ZFPM1: variants seen among roughly 807,000 people sequenced by gnomAD.
ZFPM1 encodes zinc finger protein ZFPM1.
A neutral mutation model predicts 46.3 loss-of-function variants in ZFPM1; 28 were observed. The ratio of observed to expected loss-of-function variants is 0.60; its 90% CI spans 0.45 to 0.83. ZFPM1 has a LOEUF of 0.83. Among genes scored for constraint, ZFPM1 ranks in the 40% least tolerant of loss-of-function variants. The pLI is 0.00. For missense variants in ZFPM1, 1,878 were observed against 1,432.4 expected, an observed-to-expected ratio of 1.31 and a Z score of -5.02; for synonymous variants, 957 against 675.9, an observed-to-expected ratio of 1.42 and a Z score of -6.45.
intron 2 of ZFPM1, among the ~76,000 whole-genome samples, chr16:88,488,105 T>A (rs1909337836): frequency 6.6e-6 from 1 of 152,166 alleles, no homozygotes; most frequent in African/African-American, 2.4e-5. Context: ...GTGTAGCACA[T>A]GTGGACTCCG....
chr16:88,453,662 C>A lies in ZFPM1; in HGVS notation c.24C>A (p.Asn8Lys). 3.3e-6 allele frequency: 4 copies of A among 1,198,042 alleles called. No individual in the cohort carries two copies. The highest frequency in any genetic ancestry group is 3.2e-6 in the Non-Finnish European group (3 of 946,844). The allele number at this position is 1,198,042 out of a possible 1,614,324, so 74.2% of individuals were successfully genotyped here. A position where few individuals can be genotyped will look rare whatever the true frequency, so the allele number is the denominator to read the frequency against. The change falls in exon 1 of 10, where the codon AAC (asparagine) becomes AAA (lysine). Residue 8 changes from asparagine to lysine, a missense_variant. Physicochemically the swap from Asn to Lys is moderately conservative, Grantham distance 94. Transcript: ENST00000319555. MSRRKQSNPRQIKRSLGD... is the reference protein window; with the variant it reads MSRRKQSKPRQIKRSLGD... ...ACATGTCCAGGCGGAAACAGAGCAACCCCCGGCAGATCAAGCGTGAGTCAA... is the reference window on the plus strand; with the variant it reads ...ACATGTCCAGGCGGAAACAGAGCAAACCCCGGCAGATCAAGCGTGAGTCAA...
chr16:88,470,729 CGGTGTGG>C lies in ZFPM1; in HGVS notation c.41-15209_41-15203del, dbSNP rs1333072712. 9.0e-4 allele frequency among the ~76,000 whole-genome samples: 11 copies of C among 12,178 alleles called. 2 individuals carry two copies. The highest frequency in any genetic ancestry group is 2.7e-3 in the African/African-American group (9 of 3,386). 8.0% of individuals were successfully genotyped at this position (12,178 alleles called of 152,430 possible). A position where few individuals can be genotyped will look rare whatever the true frequency, so the allele number is the denominator to read the frequency against. ...CTGAGTGACAGGTGAGGATGTGGCACGGTGTGGAGGGCCGGGTGGTGACGCTGAGTGA... is the reference window on the plus strand; with the variant it reads ...CTGAGTGACAGGTGAGGATGTGGCACAGGGCCGGGTGGTGACGCTGAGTGA... On this transcript the variant is annotated intron_variant, in intron 1 of 9. Transcript: ENST00000319555.
intron 3 of ZFPM1, among the ~76,000 whole-genome samples, chr16:88,512,721 G>A (rs1445668478): frequency 6.6e-6 from 1 of 152,190 alleles, no homozygotes; most frequent in Non-Finnish European, 1.5e-5. Flanking sequence ...GGACCCGCCG[G>A]AGGCCAGACA....
At chr16:88,479,860 C>A (rs1249146881) in intron 1 of ZFPM1, among the ~76,000 whole-genome samples, 1 of 140,394 alleles carries the variant, frequency 7.1e-6, no homozygotes, top group East Asian at 2.1e-4. Flanking sequence ...TCCCTCCCCC[C>A]CGCTGCCACC....
Position 88,533,538 on chromosome 16 carries a change from C to T in ZFPM1, c.1580C>T (p.Pro527Leu). 1 of 1,464,446 alleles carries T rather than the reference C, an allele frequency of 6.8e-7. No homozygotes were observed. The highest frequency in any genetic ancestry group is 9.0e-7 in the Non-Finnish European group (1 of 1,110,484). The allele number at this position is 1,464,446 out of a possible 1,614,324, so 90.7% of individuals were successfully genotyped here. A position where few individuals can be genotyped will look rare whatever the true frequency, so the allele number is the denominator to read the frequency against. ...ELGLAGALFL[P>L]QYVFGPDAAP... ...GGCCTGGCCGGGGCCCTGTTCCTTCCGCAGTACGTGTTCGGGCCCGACGCG... is the reference window on the plus strand; with the variant it reads ...GGCCTGGCCGGGGCCCTGTTCCTTCTGCAGTACGTGTTCGGGCCCGACGCG... Residue 527 changes from proline to leucine, a missense_variant, in exon 10 of 10, where the codon CCG becomes CTG. Pro to Leu is a moderately conservative substitution (Grantham distance 98). Coordinates refer to ENST00000319555, the MANE Select transcript of ZFPM1 (RefSeq NM_153813.3).
At chr16:88,495,844 A>G (rs1214384988) in intron 3 of ZFPM1, among the ~76,000 whole-genome samples, 1 of 152,088 alleles carries the variant, frequency 6.6e-6, no homozygotes, top group African/African-American at 2.4e-5. Context: ...TTTCCTGGTA[A>G]CCAAATGTAT....
intron 1 of ZFPM1, among the ~76,000 whole-genome samples, chr16:88,483,557 G>C (rs951823109): frequency 6.6e-6 from 1 of 151,972 alleles, no homozygotes; most frequent in Non-Finnish European, 1.5e-5. Context: ...TCCCATCCCC[G>C]TGTTTTTCTG....
At chr16:88,498,533 TG>T (rs1433783675) in intron 3 of ZFPM1, among the ~76,000 whole-genome samples, 2 of 152,200 alleles carry the variant, frequency 1.3e-5, no homozygotes, top group Admixed American at 6.5e-5. Flanking sequence ...CTCCGGGATC[TG>T]CTCCTTGGTG....
intron 1 of ZFPM1, among the ~76,000 whole-genome samples, chr16:88,473,180 A>G (rs983351895): frequency 6.6e-6 from 1 of 152,256 alleles, no homozygotes; most frequent in African/African-American, 2.4e-5. Context: ...TCTGAAAGGC[A>G]TCTGAGGGTC....
chr16:88,528,251 C>T lies in ZFPM1; in HGVS notation c.712+13C>T. ...GCAGTGATCAACAGTAAGTGCTGGG[C>T]TCTCCGCACCCAGGGCGGCTGCTCC... On this transcript the variant is annotated intron_variant, in intron 6 of 9. Transcript: ENST00000319555. 6.3e-7 allele frequency: 1 copy of T among 1,584,398 alleles called. No homozygotes were observed. Among genetic ancestry groups the T allele is most frequent in the Non-Finnish European group, 8.6e-7 (1 of 1,161,658 alleles).
At chr16:88,467,563 G>T (rs3751674) in intron 1 of ZFPM1, among the ~76,000 whole-genome samples, 7 of 152,136 alleles carry the variant, frequency 4.6e-5, no homozygotes, top group African/African-American at 1.7e-4. Flanking sequence ...GGTGTAGACC[G>T]CGAGACCTGC....
chr16:88,517,034 G>A (rs539322541), intron 4 of ZFPM1, among the ~76,000 whole-genome samples: 4 of 152,308 alleles, frequency 2.6e-5, no homozygotes, highest in Admixed American at 2.0e-4. Flanking sequence ...GGGGCAGGTC[G>A]CTTCCCTGAT....
At position 88,497,257 on chromosome 16, in the gene ZFPM1, GGCCCCA is replaced by G. The variant is rs148805908; in HGVS notation, c.268+8129_268+8134del. 0.058 allele frequency among the ~76,000 whole-genome samples: 8,831 copies of G among 151,744 alleles called. 864 individuals carry two copies. The highest frequency in any genetic ancestry group is 0.2 in the African/African-American group (8,381 of 41,324). On this transcript the variant is annotated intron_variant, in intron 3 of 9. Transcript: ENST00000319555. This position sits in a 1 kb window ranked among gnomAD's most constrained non-coding sequence, Gnocchi z 5.4. ...GAGATGGGAGGGGCGGCAGGTGGAC[GGCCCCA>G]GCCCCAGCCCCAGCCCCAGCCCCAT...
intron 3 of ZFPM1, among the ~76,000 whole-genome samples, chr16:88,510,693 A>C (rs1287046392): frequency 1.3e-5 from 2 of 151,910 alleles, no homozygotes; most frequent in African/African-American, 4.8e-5. Flanking sequence ...AGAGATGGGG[A>C]AACTGAGGTC....
rs114465693 is a variant in ZFPM1 at position 88,487,869 on chromosome 16, C to G, written c.146-1162C>G. On this transcript the variant is annotated intron_variant, in intron 2 of 9. Coordinates refer to ENST00000319555, the MANE Select transcript of ZFPM1 (RefSeq NM_153813.3). ...CAGGGACATCCCAGCCCCAGGACGG[C>G]CAGGCCAGGTGCAGGCGTCCAGCCC... Among the ~76,000 whole-genome samples, 440 of 152,344 alleles carry G rather than the reference C, an allele frequency of 2.9e-3. 1 individual carries two copies. Among genetic ancestry groups the G allele is most frequent in the African/African-American group, 0.01 (423 of 41,574 alleles).
chr16:88,463,549 C>T (rs1000059386), intron 1 of ZFPM1, among the ~76,000 whole-genome samples: 4 of 152,290 alleles, frequency 2.6e-5, no homozygotes. Flanking sequence ...TAGACGTGGC[C>T]TCACGTCCTT....
chr16:88,533,264 G>A lies in ZFPM1; in HGVS notation c.1306G>A (p.Ala436Thr), dbSNP rs991022663. 13 of 1,538,148 alleles carry A rather than the reference G, an allele frequency of 8.5e-6. No homozygotes were observed. Among genetic ancestry groups the A allele is most frequent in the African/African-American group, 5.7e-5 (4 of 69,680 alleles). Residue 436 changes from alanine to threonine, a missense_variant, in exon 10 of 10, where the codon GCC becomes ACC. Coordinates refer to ENST00000319555, the MANE Select transcript of ZFPM1 (RefSeq NM_153813.3). ...ACTGGACAGAAAGGCCCTGGCCGAG[G>A]CCACCAACGGAGAGGCCAGAGCGGA... ...PGLDRKALAE[A>T]TNGEARAEPL...
intron 7 of ZFPM1, 82 bp downstream of exon 7, chr16:88,532,317 C>T: frequency 7.6e-7 from 1 of 1,315,398 alleles, no homozygotes; most frequent in Non-Finnish European, 1.0e-6. Context: ...GGAAAACCCA[C>T]ATGCAAGCAC....
chr16:88,522,670 AGGTCCGCCCG>A (rs1269340775), intron 4 of ZFPM1, among the ~76,000 whole-genome samples: 1 of 152,206 alleles, frequency 6.6e-6, no homozygotes, highest in Admixed American at 6.5e-5. Flanking sequence ...GAACATTCTC[AGGTCCGCCCG>A]GGGAATTTAA....
Sources: gnomAD v4.1 joint callset for allele counts (sites outside exome capture counted in the v4.1 genomes callset) on GRCh38, gnomAD v4.1.1 for gene constraint, Gnocchi (gnomAD v3.1) non-coding constraint, MANE v1.5 for transcripts, NCBI Gene and HGNC (gene_info 2026-07-23, HGNC 2026-07-21) for gene names.